Variants in C7orf25 observed in about 807,000 individuals in gnomAD.
C7orf25 encodes chromosome 7 open reading frame 25.
In C7orf25, 14 loss-of-function variants were observed where a neutral mutation model predicts 25.5. The ratio of observed to expected loss-of-function variants is 0.55; its 90% CI spans 0.36 to 0.86. The LOEUF (loss-of-function observed/expected upper bound fraction) is 0.86, where lower values mean the gene tolerates loss of function less well. Among genes scored for constraint, C7orf25 ranks in the 40% least tolerant of loss-of-function variants. The pLI is 0.01. For missense variants in C7orf25, 405 were observed against 493.9 expected (o/e 0.82, Z 1.71); for synonymous variants, 184 against 179.9 (o/e 1.02, Z -0.18).
chr7:42,911,349 C>T (rs1451299788), intron 1 of C7orf25: 11 of 1,166,864 alleles, frequency 9.4e-6, no homozygotes, highest in Non-Finnish European at 1.2e-5. Context: ...AGCAAACTGT[C>T]CAAAGCAAGT....
chr7:42,911,636 G>C, intron 1 of C7orf25: 1 of 1,090,768 alleles, frequency 9.2e-7, no homozygotes, highest in Non-Finnish European at 1.1e-6. Context: ...CCGTGCAAGC[G>C]GCCCCAGCGC....
In C7orf25 at chr7:42,909,827, T is replaced by G; in HGVS notation, c.1074A>C (p.Ser358=). The G allele has an allele frequency of 6.2e-7, 1 of 1,614,216 alleles. No homozygotes were observed. Among genetic ancestry groups the G allele is most frequent in the Non-Finnish European group, 8.5e-7 (1 of 1,180,040 alleles). Reference sequence around the variant, plus strand: ...TGTCTCCCGTCCCAAAAATTGTTAATGAGCGGCTATTAATTTTTGAACTGG... The same window carrying G: ...TGTCTCCCGTCCCAAAAATTGTTAAGGAGCGGCTATTAATTTTTGAACTGG... ...LVASSKINSR[S]LTIFGTGDTL... The change falls in exon 2 of 2, where the codon TCA becomes TCC. Residue 358 remains serine, a synonymous_variant. Coordinates refer to ENST00000350427, the MANE Select transcript of C7orf25 (RefSeq NM_001099858.2).
rs932053794 is a variant in C7orf25 at position 42,911,202 on chromosome 7, G to A, written c.-21-281C>T. ...GGGGACACAGCATGGTCCTAGGTTA[G>A]GATACAATGCAAGAGTTGGGCAATC... is the stretch of plus-strand genomic sequence containing the variant. On this transcript the variant is annotated intron_variant, in intron 1 of 1. Coordinates refer to ENST00000350427, the MANE Select transcript of C7orf25 (RefSeq NM_001099858.2). 13 of 636,264 alleles carry A rather than the reference G, an allele frequency of 2.0e-5. No homozygotes were observed. The African/African-American group carries it at 2.4e-4, about 12-fold the overall frequency. The allele number at this position is 636,264 out of a possible 1,614,324, so 39.4% of individuals were successfully genotyped here.
At position 42,910,930 on chromosome 7, in the gene C7orf25, A is replaced by G; in HGVS notation, c.-21-9T>C. 2 of 1,609,778 alleles carry G rather than the reference A, an allele frequency of 1.2e-6. No homozygotes were observed. The highest frequency in any genetic ancestry group is 1.7e-6 in the Non-Finnish European group (2 of 1,179,396). On this transcript the variant is annotated splice_polypyrimidine_tract_variant and intron_variant, in intron 1 of 1. Transcript: ENST00000350427. ...TCAGCATTATTCCTTTCCTAGGGAA[A>G]GAAACAAGGCAAACTTCAGTAGTCT... is the stretch of plus-strand genomic sequence containing the variant.
rs745914402 is a variant in C7orf25 at position 42,909,722 on chromosome 7, A to G, written c.1179T>C (p.Phe393=). Residue 393 remains phenylalanine (F), a synonymous_variant, in exon 2 of 2, where the codon TTT becomes TTC. Transcript: ENST00000350427. ...ANNQGVKFSV[F]IHQPRALTES... The stretch of plus-strand genomic sequence containing the variant: ...CAGTAAGTGCTCTGGGCTGATGGAT[A>G]AACACACTAAATTTAACACCCTGGT... The G allele has an allele frequency of 3.1e-6, 5 of 1,614,086 alleles. No homozygotes were observed. The African/African-American group carries it at 4.0e-5, about 13-fold the overall frequency.
rs527603774 is a variant in C7orf25 at position 42,909,832 on chromosome 7, G to T, written c.1069C>A (p.Arg357Ser). ...RLVASSKINS[R>S]SLTIFGTGDT... is the part of the protein sequence containing the mutation. Reference sequence around the variant, plus strand: ...CCCGTCCCAAAAATTGTTAATGAGCGGCTATTAATTTTTGAACTGGCCACT... The same window carrying T: ...CCCGTCCCAAAAATTGTTAATGAGCTGCTATTAATTTTTGAACTGGCCACT... Residue 357 changes from arginine to serine, a missense_variant, in exon 2 of 2, where the codon CGC becomes AGC. Coordinates refer to ENST00000350427, the MANE Select transcript of C7orf25 (RefSeq NM_001099858.2). 3 of 1,614,148 alleles carry T rather than the reference G, an allele frequency of 1.9e-6. No homozygotes were observed. The highest frequency in any genetic ancestry group is 8.5e-7 in the Non-Finnish European group (1 of 1,180,026).
rs1386294149 is a variant in C7orf25, at chr7:42,910,095, A to C, written c.806T>G (p.Phe269Cys). ...VSALSYGGCH[F>C]IFKEKVLTEQ... ...TGTGAGCACTTTCTCTTTGAAAATA[A>C]AGTGGCAGCCTCCATAGCTGAGGGC... The change falls in exon 2 of 2, where the codon TTT becomes TGT. Residue 269 changes from phenylalanine (F) to cysteine (C), a missense_variant. Phe to Cys is a radical substitution (Grantham distance 205). Transcript: ENST00000350427. 6.2e-7 allele frequency: 1 copy of C among 1,614,186 alleles called. No homozygotes were observed. The highest frequency in any genetic ancestry group is 1.7e-5 in the Admixed American group (1 of 60,022).
intron 1 of C7orf25, chr7:42,911,197 G>A: frequency 4.6e-6 from 3 of 655,398 alleles, no homozygotes; most frequent in Non-Finnish European, 7.6e-6. Context: ...CATGGTCCTA[G>A]GTTAGGATAC....
chr7:42,910,643 A>T lies in C7orf25; in HGVS notation c.258T>A (p.Val86=), dbSNP rs142351460. Residue 86 remains valine (V), a synonymous_variant, in exon 2 of 2, where the codon GTT becomes GTA. Transcript: ENST00000350427. The part of the protein sequence containing the change: ...VESAENLEEV[V]SVLHVFGYTD... ...TATAACCAAAGACATGAAGAACACT[A>T]ACAACTTCTTCCAGGTTTTCTGCTG... is the stretch of plus-strand genomic sequence containing the variant. 6.2e-7 allele frequency: 1 copy of T among 1,614,150 alleles called. No individual in the cohort carries two copies. Among genetic ancestry groups the T allele is most frequent in the Non-Finnish European group, 8.5e-7 (1 of 1,180,044 alleles).
At chr7:42,911,489 C>T (rs1190789703) in intron 1 of C7orf25, 26 of 1,001,508 alleles carry the variant, frequency 2.6e-5, no homozygotes, top group Non-Finnish European at 2.9e-5. Context: ...TCAACACTGC[C>T]TCATTTCTGC....
Position 42,910,100 on chromosome 7 carries a change from G to C in C7orf25, c.801C>G (p.Cys267Trp). 1 of 1,614,094 alleles carries C rather than the reference G, an allele frequency of 6.2e-7. No individual in the cohort carries two copies. Residue 267 changes from cysteine (C) to tryptophan (W), a missense_variant, in exon 2 of 2, where the codon TGC becomes TGG. Physicochemically the swap from Cys to Trp is radical, Grantham distance 215 (BLOSUM62 -2). Transcript: ENST00000350427. ...TYVSALSYGG[C>W]HFIFKEKVLT... ...GCACTTTCTCTTTGAAAATAAAGTG[G>C]CAGCCTCCATAGCTGAGGGCAGATA...
Position 42,911,948 on chromosome 7 carries a change from G to C in C7orf25, c.-55C>G, listed in dbSNP as rs754433834. On this transcript the variant is annotated 5_prime_UTR_variant, in exon 1 of 2. Coordinates refer to ENST00000350427, the MANE Select transcript of C7orf25 (RefSeq NM_001099858.2). The stretch of plus-strand genomic sequence containing the variant: ...CCAGAACCGCGAGCGCGAGCACGCA[G>C]GCGCGTGCACGCAGAGGCCGGGACC... 1.6e-4 allele frequency: 238 copies of C among 1,487,014 alleles called. No homozygotes were observed. The highest frequency in any genetic ancestry group is 8.4e-4 in the Middle Eastern group (4 of 4,764). The allele number at this position is 1,487,014 out of a possible 1,614,324, so 92.1% of individuals were successfully genotyped here.
In C7orf25 at chr7:42,912,026, C is replaced by T. The variant is rs1350456100; in HGVS notation, c.-133G>A. On this transcript the variant is annotated 5_prime_UTR_variant, in exon 1 of 2. Coordinates refer to ENST00000350427, the MANE Select transcript of C7orf25 (RefSeq NM_001099858.2). ...CCACCCCGCTCGAACGCCGAGGCGG[C>T]TCCACCCGCGCGAGCCCCGCCGCCT... 10 of 1,479,690 alleles carry T rather than the reference C, an allele frequency of 6.8e-6. No individual in the cohort carries two copies. Among genetic ancestry groups the T allele is most frequent in the African/African-American group, 1.5e-5 (1 of 68,220 alleles). The allele number at this position is 1,479,690 out of a possible 1,614,324, so 91.7% of individuals were successfully genotyped here. A position where few individuals can be genotyped will look rare whatever the true frequency, so the allele number is the denominator to read the frequency against.
chr7:42,911,409 C>G (rs1785891734), intron 1 of C7orf25: 1 of 1,017,280 alleles, frequency 9.8e-7, no homozygotes, highest in Admixed American at 5.3e-5. Context: ...TCCTCCTTCC[C>G]GAGTTGGTCT....
intron 1 of C7orf25, chr7:42,911,590 G>A (rs1785899605): frequency 5.8e-6 from 6 of 1,032,008 alleles, no homozygotes; most frequent in South Asian, 4.6e-5. Context: ...AAAATCCGAA[G>A]ATGAAACTAA....
chr7:42,910,314 T>C lies in C7orf25; in HGVS notation c.587A>G (p.Asn196Ser), dbSNP rs1251786298. The C allele has an allele frequency of 6.2e-7, 1 of 1,614,218 alleles. No individual in the cohort carries two copies. Residue 196 changes from asparagine (N) to serine (S), a missense_variant, in exon 2 of 2, where the codon AAC becomes AGC. Physicochemically the swap from Asn to Ser is conservative, Grantham distance 46 (BLOSUM62 1). Transcript: ENST00000350427. ...ISVRGDIVAVNALLDHPEELQ... is the reference protein window; with the variant it reads ...ISVRGDIVAVSALLDHPEELQ... ...CTCTTCAGGGTGATCTAACAGAGCGTTGACTGCTACTATGTCTCCTCTCAC... is the reference window on the plus strand; with the variant it reads ...CTCTTCAGGGTGATCTAACAGAGCGCTGACTGCTACTATGTCTCCTCTCAC...
chr7:42,910,312 C>G lies in C7orf25; in HGVS notation c.589G>C (p.Ala197Pro). 1 of 1,614,196 alleles carries G rather than the reference C, an allele frequency of 6.2e-7. No individual in the cohort carries two copies. The highest frequency in any genetic ancestry group is 8.5e-7 in the Non-Finnish European group (1 of 1,180,040). ...AGCTCTTCAGGGTGATCTAACAGAG[C>G]GTTGACTGCTACTATGTCTCCTCTC... ...SVRGDIVAVN[A>P]LLDHPEELQP... The change falls in exon 2 of 2, where the codon GCT (alanine) becomes CCT (proline). Residue 197 changes from alanine (A) to proline (P), a missense_variant. Transcript: ENST00000350427.
intron 1 of C7orf25, chr7:42,911,684 T>G: frequency 8.7e-7 from 1 of 1,146,730 alleles, no homozygotes; most frequent in Non-Finnish European, 1.1e-6. Context: ...CGGCGGGGCC[T>G]TCTCGGTGGG....
chr7:42,909,746 G>C lies in C7orf25; in HGVS notation c.1155C>G (p.Asn385Lys). 6.2e-7 allele frequency: 1 copy of C among 1,614,192 alleles called. No homozygotes were observed. Among genetic ancestry groups the C allele is most frequent in the Non-Finnish European group, 8.5e-7 (1 of 1,180,038 alleles). ...TAAACACACTAAATTTAACACCCTGGTTGTTTGCAGCTCTGACAAAACCAC... is the reference window on the plus strand; with the variant it reads ...TAAACACACTAAATTTAACACCCTGCTTGTTTGCAGCTCTGACAAAACCAC... ...ANSGFVRAAN[N>K]QGVKFSVFIH... The change falls in exon 2 of 2, where the codon AAC (asparagine) becomes AAG (lysine). Residue 385 changes from asparagine (N) to lysine (K), a missense_variant. Transcript: ENST00000350427.
Sources: allele counts gnomAD v4.1 joint callset, GRCh38; gene constraint gnomAD v4.1.1; transcripts MANE v1.5; gene names NCBI Gene and HGNC (gene_info 2026-07-23, HGNC 2026-07-21).